Variants in EXOC4 observed in about 807,000 individuals in gnomAD.
The protein encoded by EXOC4 is SEC8-like 1.
A neutral mutation model predicts 107.2 loss-of-function variants in EXOC4; 71 were observed. That is an observed-to-expected ratio of 0.66 (90% confidence interval 0.55 to 0.81). EXOC4 has a LOEUF of 0.81. Ranked by LOEUF, EXOC4 falls within the 30% of genes least tolerant of loss-of-function variation. The pLI is 0.00. For missense variants in EXOC4, 1,108 were observed against 1,189.6 expected, an observed-to-expected ratio of 0.93 and a Z score of 1.01; for synonymous variants, 456 against 441.2, an observed-to-expected ratio of 1.03 and a Z score of -0.42.
chr7:133,924,260 AT>A (rs1800003224), intron 13 of EXOC4, among the ~76,000 whole-genome samples: 1 of 152,066 alleles, frequency 6.6e-6, no homozygotes, highest in Non-Finnish European at 1.5e-5. Flanking sequence ...AAGAAAAATT[AT>A]TTTTTCCCAA....
intron 8 of EXOC4, among the ~76,000 whole-genome samples, chr7:133,478,645 T>G (rs541234413): frequency 9.8e-5 from 15 of 152,356 alleles, no homozygotes; most frequent in Admixed American, 3.3e-4. Context: ...TTTGACTGTT[T>G]TTATCACATC....
At chr7:133,464,046 G>A (rs1798658002) in intron 7 of EXOC4, among the ~76,000 whole-genome samples, 1 of 152,076 alleles carries the variant, frequency 6.6e-6, no homozygotes, top group Admixed American at 6.6e-5. Context: ...ATACTTACTG[G>A]AATATATTAG....
At chr7:133,453,085 A>G (rs1477578177) in intron 7 of EXOC4, among the ~76,000 whole-genome samples, 1 of 152,246 alleles carries the variant, frequency 6.6e-6, no homozygotes, top group Non-Finnish European at 1.5e-5. Context: ...GCATTAAAAG[A>G]GCTTAACATA....
chr7:133,895,547 C>G lies in EXOC4; in HGVS notation c.1735-52C>G, dbSNP rs548850322. On this transcript the variant is annotated intron_variant, in intron 11 of 17. Transcript: ENST00000253861. ...ATACTTGGAGTTGTCCTTCCTTGTC[C>G]AACACATTGACTACAGAAATCTCAT... The G allele has an allele frequency of 7.8e-5, 124 of 1,580,638 alleles. 1 individual carries two copies. In the South Asian group the frequency reaches 1.3e-3, roughly 17 times the overall value.
chr7:134,098,247 G>C, the EXOC4 span, among the ~76,000 whole-genome samples: 1 of 152,050 alleles, frequency 6.6e-6, no homozygotes, highest in Admixed American at 6.6e-5. Flanking sequence ...TTGCTGGAAG[G>C]TAATTTAGAT....
intron 10 of EXOC4, among the ~76,000 whole-genome samples, chr7:133,749,507 C>G (rs1383523116): frequency 6.6e-6 from 1 of 152,054 alleles, no homozygotes; most frequent in Non-Finnish European, 1.5e-5. Flanking sequence ...ATTCTCATAT[C>G]TCAGCCTCCG....
intron 17 of EXOC4, among the ~76,000 whole-genome samples, chr7:134,043,324 T>C (rs1455063317): frequency 3.9e-5 from 6 of 152,112 alleles, no homozygotes; most frequent in Non-Finnish European, 2.9e-5. Context: ...CCTGGCTGCA[T>C]TTGGTAGGGG....
At chr7:134,084,479 G>A in the EXOC4 span, among the ~76,000 whole-genome samples, 1 of 152,164 alleles carries the variant, frequency 6.6e-6, no homozygotes, top group Non-Finnish European at 1.5e-5. Context: ...AAACCTCGCT[G>A]AGAAAGCTGA....
chr7:133,919,897 A>G (rs1189786379), intron 13 of EXOC4, among the ~76,000 whole-genome samples: 1 of 152,208 alleles, frequency 6.6e-6, no homozygotes, highest in Non-Finnish European at 1.5e-5. Flanking sequence ...CATTTGAGTA[A>G]ATACCAAAGA....
At chr7:133,912,647 A>G (rs1799721182) in intron 12 of EXOC4, among the ~76,000 whole-genome samples, 1 of 151,930 alleles carries the variant, frequency 6.6e-6, no homozygotes, top group Non-Finnish European at 1.5e-5. Flanking sequence ...CAGTTCTTAT[A>G]TGCCTTCTAA....
intron 1 of EXOC4, among the ~76,000 whole-genome samples, chr7:133,264,974 AACTG>A (rs1393077508): frequency 3.3e-5 from 5 of 152,334 alleles, no homozygotes; most frequent in South Asian, 2.1e-4. Context: ...GGCAAAGAGA[AACTG>A]ACTGTCATAC....
intron 3 of EXOC4, among the ~76,000 whole-genome samples, chr7:133,291,478 TTCAAGTGAG>T (rs1303703156): frequency 6.6e-6 from 1 of 151,172 alleles, no homozygotes; most frequent in Admixed American, 6.6e-5. Flanking sequence ...GCCTCCTAGG[TTCAAGTGAG>T]TCTCCTGCCT....
chr7:133,485,263 C>A (rs1417738325), intron 9 of EXOC4, among the ~76,000 whole-genome samples: 3 of 151,834 alleles, frequency 2.0e-5, no homozygotes, highest in African/African-American at 7.3e-5. Context: ...TCACCAGTGA[C>A]CTCTGCTTGG....
intron 10 of EXOC4, among the ~76,000 whole-genome samples, chr7:133,791,103 C>A (rs1266600318): frequency 6.6e-6 from 1 of 152,102 alleles, no homozygotes; most frequent in Non-Finnish European, 1.5e-5. Flanking sequence ...TGATATTGAA[C>A]AATGGATCCA....
At chr7:133,444,332 TC>T (rs1798169936) in intron 7 of EXOC4, among the ~76,000 whole-genome samples, 1 of 152,116 alleles carries the variant, frequency 6.6e-6, no homozygotes, top group African/African-American at 2.4e-5. Context: ...TCTCCCTCCT[TC>T]CATATGCATC....
intron 10 of EXOC4, among the ~76,000 whole-genome samples, chr7:133,681,491 C>T (rs1177637693): frequency 2.0e-5 from 3 of 152,042 alleles, no homozygotes; most frequent in East Asian, 3.9e-4. Context: ...GAATAAGTAG[C>T]GAAGCAAAGC....
chr7:133,810,274 G>A (rs1462191838), intron 10 of EXOC4, among the ~76,000 whole-genome samples: 1 of 152,214 alleles, frequency 6.6e-6, no homozygotes, highest in African/African-American at 2.4e-5. Context: ...TGGAAGAAAT[G>A]GAGCTGTACA....
intron 9 of EXOC4, among the ~76,000 whole-genome samples, chr7:133,573,918 T>C (rs1243399130): frequency 6.6e-6 from 1 of 152,274 alleles, no homozygotes; most frequent in East Asian, 1.9e-4. Flanking sequence ...GGACTTCATG[T>C]ATTTCTACTG....
At chr7:133,774,557 C>CA (rs1796307640) in intron 10 of EXOC4, among the ~76,000 whole-genome samples, 1 of 152,096 alleles carries the variant, frequency 6.6e-6, no homozygotes, top group African/African-American at 2.4e-5. Context: ...TCATCAGTGG[C>CA]ATATTGACTA....
Sources: allele counts gnomAD v4.1 joint callset (sites outside exome capture counted in the v4.1 genomes callset), GRCh38; gene constraint gnomAD v4.1.1; transcripts MANE v1.5; gene names NCBI Gene and HGNC (gene_info 2026-07-23, HGNC 2026-07-21).